Variants in NAV2 observed in about 807,000 individuals in gnomAD.
The protein encoded by NAV2 is neuron navigator 2, also known as helicase, APC down-regulated 1.
NAV2 carries 54 observed loss-of-function variants against 223.2 expected under a neutral mutation model. The observed-to-expected ratio is 0.24, with a 90% confidence interval of 0.19 to 0.30. The LOEUF (loss-of-function observed/expected upper bound fraction) is 0.30, where lower values mean the gene tolerates loss of function less well. NAV2 is among the 10% of genes least tolerant of loss of function. The probability of loss-of-function intolerance (pLI) is 1.00; values close to 1 mark genes in which losing one functional copy is unlikely to be tolerated. For synonymous variants in NAV2, 1,279 were observed against 1,239.3 expected, an observed-to-expected ratio of 1.03 and a Z score of -0.67; for missense variants, 2,806 against 3,147.5, an observed-to-expected ratio of 0.89 and a Z score of 2.60.
chr11:19,919,707 A>G (rs1397733502), intron 6 of NAV2, among the ~76,000 whole-genome samples: 1 of 152,256 alleles, frequency 6.6e-6, no homozygotes, highest in African/African-American at 2.4e-5. Context: ...GCCCAATATT[A>G]GTAGAGAAGA....
intron 6 of NAV2, among the ~76,000 whole-genome samples, chr11:19,893,053 G>A (rs1013539933): frequency 1.3e-5 from 2 of 152,066 alleles, no homozygotes; most frequent in Admixed American, 6.6e-5. Flanking sequence ...ATGTGGATTG[G>A]CTCATTGAAG....
At chr11:19,765,028 T>C (rs893379464) in intron 1 of NAV2, among the ~76,000 whole-genome samples, 1 of 152,182 alleles carries the variant, frequency 6.6e-6, no homozygotes, top group Non-Finnish European at 1.5e-5. Context: ...CCTGTGCAAG[T>C]GTCCTGGATC....
chr11:20,114,593 T>G lies in NAV2; in HGVS notation c.6962T>G (p.Leu2321Arg). 6.2e-7 allele frequency: 1 copy of G among 1,614,000 alleles called. No individual in the cohort carries two copies. Among genetic ancestry groups the G allele is most frequent in the Non-Finnish European group, 8.5e-7 (1 of 1,180,002 alleles). The change falls in exon 37 of 38, where the codon CTC becomes CGC. Residue 2321 changes from leucine (L) to arginine (R), a missense_variant and splice_region_variant. Leu to Arg is a moderately radical substitution (Grantham distance 102). This residue lies in a region of NAV2 where 824 missense variants were observed against 1,069.4 expected (regional missense o/e 0.77). Transcript: ENST00000349880. Reference protein sequence around the residue: ...LLEAVREGLQLYGRRAPWEDP... With the variant: ...LLEAVREGLQRYGRRAPWEDP... Reference sequence around the variant, plus strand: ...TGTTCCTTCTTTGCCTGTTTTCAGCTCTATGGAAGGCGCGCCCCCTGGGAG... The same window carrying G: ...TGTTCCTTCTTTGCCTGTTTTCAGCGCTATGGAAGGCGCGCCCCCTGGGAG...
Position 20,095,720 on chromosome 11 carries a change from A to G in NAV2, c.5965A>G (p.Lys1989Glu), listed in dbSNP as rs746913816. ...TATTGGCTGCATTGGAGTTAGTGGCAAGACGAAGTGGGATGTGCTCGATGG... is the reference window on the plus strand; with the variant it reads ...TATTGGCTGCATTGGAGTTAGTGGCGAGACGAAGTGGGATGTGCTCGATGG... ...FLIGCIGVSG[K>E]TKWDVLDGVV... The change falls in exon 30 of 38, where the codon AAG (lysine) becomes GAG (glutamate). Residue 1989 changes from lysine (K) to glutamate (E), a missense_variant. Lys to Glu is a moderately conservative substitution (Grantham distance 56, BLOSUM62 1). Coordinates refer to ENST00000349880, the MANE Select transcript of NAV2 (RefSeq NM_145117.5). 3 of 1,614,164 alleles carry G rather than the reference A, an allele frequency of 1.9e-6. No homozygotes were observed. In the East Asian group the frequency reaches 6.7e-5, roughly 36 times the overall value.
In NAV2 at chr11:19,984,045, C is replaced by T; in HGVS notation, c.2646-80C>T. ...CCCCTTAGAGCACTTGGCGGCTGTA[C>T]AGGCTTCTGGATATGAATGCAAGCC... On this transcript the variant is annotated intron_variant, in intron 10 of 37. Transcript: ENST00000349880. 3.8e-6 allele frequency: 6 copies of T among 1,592,064 alleles called. No homozygotes were observed. The Admixed American group carries it at 6.7e-5, about 18-fold the overall frequency.
intron 5 of NAV2, among the ~76,000 whole-genome samples, chr11:19,884,902 T>G (rs757377054): frequency 4.6e-4 from 70 of 152,268 alleles, no homozygotes; most frequent in Non-Finnish European, 8.8e-4. Context: ...GGCAGCTATG[T>G]CTCGTCTTTG....
intron 1 of NAV2, chr11:19,384,525 G>C (rs1359068873): frequency 6.6e-6 from 1 of 152,184 alleles, no homozygotes; most frequent in Non-Finnish European, 1.5e-5. Flanking sequence ...TGGCTTAATT[G>C]GGTGCTGGTT....
intron 1 of NAV2, among the ~76,000 whole-genome samples, chr11:19,418,904 G>A (rs1408017052): frequency 1.3e-5 from 2 of 152,158 alleles, no homozygotes; most frequent in African/African-American, 4.8e-5. Flanking sequence ...GGTAGTGGCA[G>A]TAAGGAGTGA....
At chr11:19,701,034 A>G (rs1255285493) in intron 1 of NAV2, among the ~76,000 whole-genome samples, 4 of 152,142 alleles carry the variant, frequency 2.6e-5, no homozygotes, top group South Asian at 2.1e-4. Flanking sequence ...CATCATTCCT[A>G]TTTTACTGTT....
At chr11:19,527,800 T>C (rs994118806) in intron 1 of NAV2, among the ~76,000 whole-genome samples, 1 of 152,202 alleles carries the variant, frequency 6.6e-6, no homozygotes, top group African/African-American at 2.4e-5. Context: ...TTGATTTGCA[T>C]CTGGGGTGGT....
chr11:19,346,185 ATCTGAGCT>A (rs1852995681), upstream of NAV2, among the ~76,000 whole-genome samples: 1 of 151,796 alleles, frequency 6.6e-6, no homozygotes, highest in Admixed American at 6.6e-5. Context: ...CTCGTCTGTG[ATCTGAGCT>A]TCTGTGATCT....
intron 3 of NAV2, among the ~76,000 whole-genome samples, chr11:19,864,572 C>T (rs537630565): frequency 6.6e-6 from 1 of 152,188 alleles, no homozygotes; most frequent in Non-Finnish European, 1.5e-5. Context: ...TTTGATTTTT[C>T]TAACTCCCTG....
intron 1 of NAV2, among the ~76,000 whole-genome samples, chr11:19,642,434 A>G (rs1254401344): frequency 2.6e-5 from 4 of 152,188 alleles, no homozygotes; most frequent in Admixed American, 1.3e-4. Flanking sequence ...GAGATGGAGA[A>G]TGAGACAAAC....
intron 1 of NAV2, chr11:19,777,909 G>C (rs2056404381): frequency 2.2e-6 from 1 of 455,814 alleles, no homozygotes; most frequent in South Asian, 1.5e-5. Flanking sequence ...ATTGTGTCTT[G>C]ATACTTTGGG....
Position 20,095,746 on chromosome 11 carries a change from G to C in NAV2, c.5991G>C (p.Gly1997=). The C allele has an allele frequency of 6.2e-7, 1 of 1,613,968 alleles. No individual in the cohort carries two copies. The highest frequency in any genetic ancestry group is 1.1e-5 in the South Asian group (1 of 91,078). The part of the protein sequence containing the change: ...SGKTKWDVLD[G]VVRRLFKEYI... ...AGACGAAGTGGGATGTGCTCGATGG[G>C]GTGGTTAGACGGCTGTTCAAAGTAA... The change falls in exon 30 of 38, where the codon GGG becomes GGC. Residue 1997 remains glycine, a synonymous_variant. Coordinates refer to ENST00000349880, the MANE Select transcript of NAV2 (RefSeq NM_145117.5).
chr11:19,370,448 G>A (rs1352721220), intron 1 of NAV2, among the ~76,000 whole-genome samples: 1 of 152,228 alleles, frequency 6.6e-6, no homozygotes, highest in Non-Finnish European at 1.5e-5. Context: ...GTGAGAGTGT[G>A]TCATCTGATG....
chr11:19,671,616 T>A (rs560096632), intron 1 of NAV2, among the ~76,000 whole-genome samples: 29 of 152,314 alleles, frequency 1.9e-4, no homozygotes, highest in African/African-American at 7.0e-4. Context: ...TGCACAAGAC[T>A]GAGTTTCAAC....
intron 3 of NAV2, among the ~76,000 whole-genome samples, chr11:19,848,618 T>C (rs730348): frequency 0.64 from 97,587 of 152,108 alleles, 32,097 homozygotes; most frequent in African/African-American, 0.81. Flanking sequence ...AGTAACAGTA[T>C]TTGCCTCATG....
intron 1 of NAV2, among the ~76,000 whole-genome samples, chr11:19,536,809 A>T (rs1300788484): frequency 3.1e-4 from 47 of 152,178 alleles, no homozygotes; most frequent in Admixed American, 3.0e-3. Context: ...GGAAATGATA[A>T]TGGGGGCTGG....
Sources: gnomAD v4.1 joint callset for allele counts (sites outside exome capture counted in the v4.1 genomes callset) on GRCh38, gnomAD v4.1.1 for gene constraint, gnomAD v4.1.1 regional missense constraint, MANE v1.5 for transcripts, NCBI Gene and HGNC (gene_info 2026-07-23, HGNC 2026-07-21) for gene names.